Variants in DLG2 observed in about 807,000 individuals in gnomAD.
The protein encoded by DLG2 is disks large homolog 2.
Under a neutral mutation model 132.5 loss-of-function variants are expected in DLG2, and 45 were observed. That is an observed-to-expected ratio of 0.34 (90% CI 0.27 to 0.44). The LOEUF is 0.44. Among genes scored for constraint, DLG2 ranks in the 20% least tolerant of loss-of-function variants. The probability of loss-of-function intolerance (pLI) is 1.00; values close to 1 mark genes in which losing one functional copy is unlikely to be tolerated. For missense variants in DLG2, 1,045 were observed against 1,196.9 expected (o/e 0.87, Z 1.87); for synonymous variants, 424 against 419.6 (o/e 1.01, Z -0.13).
intron 3 of DLG2, among the ~76,000 whole-genome samples, chr11:85,509,456 G>A (rs2153152505): frequency 6.6e-6 from 1 of 152,144 alleles, no homozygotes; most frequent in South Asian, 2.1e-4. Context: ...CCGAATGCTT[G>A]CAGAGGAGAG....
chr11:85,511,214 G>A (rs947803629), intron 3 of DLG2, among the ~76,000 whole-genome samples: 2 of 151,962 alleles, frequency 1.3e-5, no homozygotes, highest in Non-Finnish European at 2.9e-5. Flanking sequence ...ACACACCGGG[G>A]CCTGTTGTGG....
At chr11:84,841,195 A>G (rs371585904) in intron 6 of DLG2, among the ~76,000 whole-genome samples, 6 of 152,012 alleles carry the variant, frequency 3.9e-5, no homozygotes, top group African/African-American at 1.4e-4. Flanking sequence ...AAAAATTAAA[A>G]CCTGGATGAG....
At chr11:85,487,509 G>A (rs190686715) in intron 3 of DLG2, among the ~76,000 whole-genome samples, 5 of 149,312 alleles carry the variant, frequency 3.3e-5, no homozygotes, top group Non-Finnish European at 7.4e-5. Context: ...TTATGGAACT[G>A]AAAAATTAAT....
intron 14 of DLG2, among the ~76,000 whole-genome samples, chr11:83,944,993 T>A (rs533183906): frequency 6.6e-6 from 1 of 152,274 alleles, no homozygotes; most frequent in East Asian, 1.9e-4. Flanking sequence ...AGGAGGGAAA[T>A]GGTTGAATTC....
chr11:84,837,773 T>C (rs1188700323), intron 6 of DLG2, among the ~76,000 whole-genome samples: 5 of 151,822 alleles, frequency 3.3e-5, no homozygotes, highest in African/African-American at 9.7e-5. Context: ...GGAATAATAA[T>C]GTAATTCTGA....
chr11:84,500,590 G>C (rs767479914), intron 7 of DLG2, among the ~76,000 whole-genome samples: 1 of 152,072 alleles, frequency 6.6e-6, no homozygotes, highest in Admixed American at 6.5e-5. Context: ...TCTAGCTTTC[G>C]TCACCTAAAT....
chr11:84,467,584 T>A (rs767581712), intron 7 of DLG2, among the ~76,000 whole-genome samples: 1 of 151,358 alleles, frequency 6.6e-6, no homozygotes, highest in South Asian at 2.1e-4. Flanking sequence ...TAGGAGAAAG[T>A]TGGGGAGACC....
At chr11:83,855,755 G>T (rs577045123) in intron 16 of DLG2, among the ~76,000 whole-genome samples, 16 of 151,996 alleles carry the variant, frequency 1.1e-4, no homozygotes, top group Non-Finnish European at 2.2e-4. Context: ...CAGGAGAATC[G>T]CTTGAACCTG....
chr11:84,939,512 T>C (rs1032511085), intron 6 of DLG2, among the ~76,000 whole-genome samples: 2 of 152,166 alleles, frequency 1.3e-5, no homozygotes, highest in Non-Finnish European at 2.9e-5. Flanking sequence ...TATCTAACTA[T>C]ATTTTTGTAC....
At chr11:85,407,025 C>A (rs1597038149) in intron 3 of DLG2, among the ~76,000 whole-genome samples, 1 of 151,852 alleles carries the variant, frequency 6.6e-6, no homozygotes, top group African/African-American at 2.4e-5. Flanking sequence ...TGTAGAATGG[C>A]CAGTGCAAAG....
At chr11:85,237,318 T>C (rs377354407) in intron 4 of DLG2, among the ~76,000 whole-genome samples, 1 of 152,032 alleles carries the variant, frequency 6.6e-6, no homozygotes, top group Non-Finnish European at 1.5e-5. Flanking sequence ...GGGAAATGAA[T>C]GAGATGCCTT....
At chr11:83,931,070 A>G (rs1392864214) in intron 14 of DLG2, among the ~76,000 whole-genome samples, 2 of 152,236 alleles carry the variant, frequency 1.3e-5, no homozygotes, top group African/African-American at 4.8e-5. Context: ...TAATATTAAC[A>G]GATATACTCC....
At chr11:83,631,405 TTC>T (rs1467212011) in intron 19 of DLG2, 2 of 151,964 alleles carry the variant, frequency 1.3e-5, no homozygotes, top group African/African-American at 4.8e-5. Context: ...TTACAGAGAT[TTC>T]ATTTGGGGAC....
Position 84,659,042 on chromosome 11 carries a change from C to T in DLG2, c.358-124311G>A, listed in dbSNP as rs116031268. The stretch of plus-strand genomic sequence containing the variant: ...TCCCATAACTGTGAGAAATAAATTT[C>T]TGTGGTTTATAAGCCACTTAGTCTA... On this transcript the variant is annotated intron_variant, in intron 6 of 27. Transcript: ENST00000376104. Among the ~76,000 whole-genome samples, 729 of 152,270 alleles carry T rather than the reference C, an allele frequency of 4.8e-3. 6 individuals carry two copies. Among genetic ancestry groups the T allele is most frequent in the African/African-American group, 0.017 (712 of 41,560 alleles).
chr11:84,091,139 T>A (rs75136972), intron 10 of DLG2, among the ~76,000 whole-genome samples: 1 of 152,180 alleles, frequency 6.6e-6, no homozygotes, highest in Non-Finnish European at 1.5e-5. Context: ...TTATATTTAT[T>A]ACACAAAGGA....
chr11:85,185,289 T>G (rs534499739), intron 4 of DLG2, among the ~76,000 whole-genome samples: 11 of 152,100 alleles, frequency 7.2e-5, no homozygotes, highest in African/African-American at 2.6e-4. Flanking sequence ...ATAAAGAAGC[T>G]CTTGCTTACT....
intron 17 of DLG2, among the ~76,000 whole-genome samples, chr11:83,813,429 T>C (rs866638492): frequency 2.6e-5 from 4 of 152,162 alleles, no homozygotes; most frequent in Admixed American, 6.5e-5. Flanking sequence ...GAATGCTTTC[T>C]CCCAAGCCCT....
Position 83,843,409 on chromosome 11 carries a change from C to T in DLG2, c.1566-9639G>A, listed in dbSNP as rs116348264. On this transcript the variant is annotated intron_variant, in intron 16 of 27. Coordinates refer to ENST00000376104, the MANE Select transcript of DLG2 (RefSeq NM_001142699.3). Reference sequence around the variant, plus strand: ...AGAAGAACTGACTTTTTTGAAACCACATTGTCCTTTCATTGATCACACCAC... The same window carrying T: ...AGAAGAACTGACTTTTTTGAAACCATATTGTCCTTTCATTGATCACACCAC... Among the ~76,000 whole-genome samples, 1,517 of 152,302 alleles carry T rather than the reference C, an allele frequency of 1.0e-2. 25 individuals carry two copies. Among genetic ancestry groups the T allele is most frequent in the African/African-American group, 0.034 (1,417 of 41,576 alleles).
At chr11:84,592,010 C>G (rs981654884) in intron 6 of DLG2, among the ~76,000 whole-genome samples, 10 of 152,044 alleles carry the variant, frequency 6.6e-5, no homozygotes, top group African/African-American at 2.4e-4. Context: ...TGAGCCATCA[C>G]GCCAGGCTGA....
Sources: allele counts gnomAD v4.1 joint callset (sites outside exome capture counted in the v4.1 genomes callset), GRCh38; gene constraint gnomAD v4.1.1; transcripts MANE v1.5; gene names NCBI Gene and HGNC (gene_info 2026-07-23, HGNC 2026-07-21).